ROR1: variants seen among roughly 807,000 people sequenced by gnomAD.
The protein encoded by ROR1 is ROR family WNT receptor 1, also known as inactive tyrosine-protein kinase transmembrane receptor ROR1.
A neutral mutation model predicts 78.8 loss-of-function variants in ROR1; 19 were observed. That is an observed-to-expected ratio of 0.24 (90% CI 0.17 to 0.35). ROR1 has a LOEUF of 0.35. Among genes scored for constraint, ROR1 ranks in the 10% least tolerant of loss-of-function variants. The probability of loss-of-function intolerance (pLI) is 1.00; values close to 1 mark genes in which losing one functional copy is unlikely to be tolerated. For synonymous variants in ROR1, 386 were observed against 433.6 expected (o/e 0.89, Z 1.36); for missense variants, 917 against 1,177.8 (o/e 0.78, Z 3.24).
intron 1 of ROR1, among the ~76,000 whole-genome samples, chr1:63,921,348 G>A (rs1388485475): frequency 6.6e-6 from 1 of 152,140 alleles, no homozygotes. Context: ...AGCTCATGGG[G>A]GTGGCGACGC....
chr1:63,921,013 T>C (rs1032455525), intron 1 of ROR1, among the ~76,000 whole-genome samples: 2 of 152,098 alleles, frequency 1.3e-5, no homozygotes, highest in Admixed American at 1.3e-4. Flanking sequence ...GAGAGAAGGG[T>C]GATGAACAGA....
chr1:64,106,808 G>T (rs1647835275), intron 4 of ROR1: 1 of 152,158 alleles, frequency 6.6e-6, no homozygotes, highest in East Asian at 1.9e-4. Flanking sequence ...GATGAAGCCA[G>T]CTTGATCGTG....
intron 1 of ROR1, among the ~76,000 whole-genome samples, chr1:63,907,935 A>G (rs1272885327): frequency 6.6e-6 from 1 of 152,198 alleles, no homozygotes; most frequent in Non-Finnish European, 1.5e-5. Flanking sequence ...TTTATGAATC[A>G]AAAAATCCTT....
chr1:63,849,679 A>G (rs1645101888), intron 1 of ROR1, among the ~76,000 whole-genome samples: 1 of 152,216 alleles, frequency 6.6e-6, no homozygotes, highest in Non-Finnish European at 1.5e-5. Context: ...CCTGAGGGAC[A>G]GAATGAGACC....
chr1:63,858,955 C>A (rs1203092861), intron 1 of ROR1, among the ~76,000 whole-genome samples: 14 of 152,128 alleles, frequency 9.2e-5, no homozygotes, highest in Non-Finnish European at 1.9e-4. Flanking sequence ...TGTGTTCCGT[C>A]TTGGGATGTG....
intron 1 of ROR1, among the ~76,000 whole-genome samples, chr1:64,004,011 T>G (rs1198110543): frequency 6.6e-6 from 1 of 152,194 alleles, no homozygotes; most frequent in Non-Finnish European, 1.5e-5. Context: ...GCTTGGAAAT[T>G]CCTTGAGTGT....
intron 1 of ROR1, among the ~76,000 whole-genome samples, chr1:63,931,838 G>C (rs1476218401): frequency 6.6e-6 from 1 of 152,060 alleles, no homozygotes; most frequent in Admixed American, 6.5e-5. Flanking sequence ...ACTATGTTCT[G>C]TTTTATTATT....
At chr1:64,067,241 T>C (rs567867050) in intron 4 of ROR1, among the ~76,000 whole-genome samples, 6 of 151,802 alleles carry the variant, frequency 4.0e-5, no homozygotes, top group Admixed American at 3.3e-4. Context: ...TCCCAGCTAT[T>C]TGGGAGGCTG....
chr1:64,014,739 A>C (rs1336657865), intron 2 of ROR1, among the ~76,000 whole-genome samples: 1 of 10,418 alleles, frequency 9.6e-5, no homozygotes, highest in Non-Finnish European at 1.9e-4. Flanking sequence ...ACATACGCAC[A>C]CTATATATAT....
chr1:63,792,532 C>T (rs1156399396), intron 1 of ROR1, among the ~76,000 whole-genome samples: 2 of 152,200 alleles, frequency 1.3e-5, no homozygotes, highest in African/African-American at 4.8e-5. Context: ...TGGGCCTGGC[C>T]TGCTACTCAT....
intron 4 of ROR1, among the ~76,000 whole-genome samples, chr1:64,062,285 G>T (rs1182402153): frequency 6.6e-6 from 1 of 152,006 alleles, no homozygotes; most frequent in African/African-American, 2.4e-5. Flanking sequence ...GTCTTCATGT[G>T]GGTGTTTTTT....
intron 4 of ROR1, among the ~76,000 whole-genome samples, chr1:64,100,368 G>A (rs1049726095): frequency 2.0e-5 from 3 of 151,870 alleles, no homozygotes; most frequent in Non-Finnish European, 1.5e-5. Context: ...TGTTCATATA[G>A]TCCCAGCTAC....
chr1:64,181,304 T>G lies in ROR1; in HGVS notation c.*2449T>G, dbSNP rs1318360474. ...TTACCATATCTTTCCTTATTTTCAC[T>G]GCATGCATTTAATCACTGTATTACT... On this transcript the variant is annotated 3_prime_UTR_variant, in exon 9 of 9. Transcript: ENST00000371079. 6.6e-6 allele frequency: 1 copy of G among 152,186 alleles called. No individual in the cohort carries two copies. The highest frequency in any genetic ancestry group is 1.5e-5 in the Non-Finnish European group (1 of 67,996). 9.4% of individuals were successfully genotyped at this position (152,186 alleles called of 1,614,324 possible). A position where few individuals can be genotyped will look rare whatever the true frequency, so the allele number is the denominator to read the frequency against.
chr1:64,103,815 T>A (rs1647671039), intron 4 of ROR1, among the ~76,000 whole-genome samples: 1 of 152,150 alleles, frequency 6.6e-6, no homozygotes, highest in African/African-American at 2.4e-5. Flanking sequence ...GGTTTCTATC[T>A]AAAAGGAGGG....
intron 1 of ROR1, among the ~76,000 whole-genome samples, chr1:63,839,156 T>C (rs779400401): frequency 6.6e-6 from 1 of 152,208 alleles, no homozygotes; most frequent in African/African-American, 2.4e-5. Context: ...TTGTACCCTC[T>C]GTTTAGGGCT....
chr1:63,825,377 C>T (rs886509677), intron 1 of ROR1, among the ~76,000 whole-genome samples: 2 of 152,206 alleles, frequency 1.3e-5, no homozygotes, highest in Non-Finnish European at 2.9e-5. Context: ...GAGGCTACCA[C>T]ATGGATAAAC....
chr1:64,083,013 A>T (rs752394246), intron 4 of ROR1, among the ~76,000 whole-genome samples: 6 of 152,236 alleles, frequency 3.9e-5, no homozygotes, highest in Non-Finnish European at 7.3e-5. Flanking sequence ...AAAATAGTAC[A>T]GTTCTTGAAA....
intron 4 of ROR1, among the ~76,000 whole-genome samples, chr1:64,054,034 A>T (rs1367066585): frequency 6.6e-6 from 1 of 151,916 alleles, no homozygotes; most frequent in Non-Finnish European, 1.5e-5. Flanking sequence ...GGTCACTGCA[A>T]CCTCTGCCTA....
In ROR1 at chr1:63,774,565, T is replaced by G; in HGVS notation, c.91+57T>G. 2.2e-6 allele frequency: 2 copies of G among 892,846 alleles called. No homozygotes were observed. Among genetic ancestry groups the G allele is most frequent in the Non-Finnish European group, 1.3e-6 (1 of 740,816 alleles). 55.3% of individuals were successfully genotyped at this position (892,846 alleles called of 1,614,324 possible). A position where few individuals can be genotyped will look rare whatever the true frequency, so the allele number is the denominator to read the frequency against. On this transcript the variant is annotated intron_variant, in intron 1 of 8. Coordinates refer to ENST00000371079, the MANE Select transcript of ROR1 (RefSeq NM_005012.4). The surrounding 1 kb of genome is among the most constrained non-coding windows in gnomAD (Gnocchi z 5.7). ...AGACCCCCTGACCCGTGGCCACCCT[T>G]CCGCCGTCCAGCCGGGCGCGGGACA...
Sources: gnomAD v4.1 joint callset for allele counts (sites outside exome capture counted in the v4.1 genomes callset) on GRCh38, gnomAD v4.1.1 for gene constraint, Gnocchi (gnomAD v3.1) non-coding constraint, MANE v1.5 for transcripts, NCBI Gene and HGNC (gene_info 2026-07-23, HGNC 2026-07-21) for gene names.